Variants in SLC8A1 observed in about 807,000 individuals in gnomAD.
SLC8A1 encodes solute carrier family 8 member A1, also known as sodium/calcium exchanger 1.
SLC8A1 carries 18 observed loss-of-function variants against 68.3 expected under a neutral mutation model. That is an observed-to-expected ratio of 0.26 (90% CI 0.18 to 0.39). SLC8A1 has a LOEUF of 0.39. Ranked by LOEUF, SLC8A1 falls within the 10% of genes least tolerant of loss-of-function variation. SLC8A1 has a pLI of 1.00. For synonymous variants in SLC8A1, 475 were observed against 415.5 expected (o/e 1.14, Z -1.74); for missense variants, 985 against 1,156.7 (o/e 0.85, Z 2.15).
intron 2 of SLC8A1, among the ~76,000 whole-genome samples, chr2:40,203,793 C>T (rs953794682): frequency 6.6e-6 from 1 of 151,896 alleles, no homozygotes; most frequent in South Asian, 2.1e-4. Context: ...GCAGCCTCAA[C>T]CTTCTGGGCT....
At position 40,141,609 on chromosome 2, in the gene SLC8A1, T is replaced by C. The variant is rs73927126; in HGVS notation, c.2162-1933A>G. On this transcript the variant is annotated intron_variant, in intron 6 of 7. Coordinates refer to ENST00000406785, the Ensembl canonical transcript of SLC8A1. ...GCATTGCTGACCGTTTGCTCTGCTG[T>C]TCATGCAGTATTTATTATATCAACT... Among the ~76,000 whole-genome samples, 775 of 152,280 alleles carry C rather than the reference T, an allele frequency of 5.1e-3. 5 individuals carry two copies. Among genetic ancestry groups the C allele is most frequent in the African/African-American group, 0.017 (719 of 41,564 alleles).
chr2:40,160,758 C>G lies in SLC8A1; in HGVS notation c.2161+7G>C. The G allele has an allele frequency of 6.2e-7, 1 of 1,611,066 alleles. No homozygotes were observed. The highest frequency in any genetic ancestry group is 8.5e-7 in the Non-Finnish European group (1 of 1,177,436). On this transcript the variant is annotated splice_region_variant and intron_variant, in intron 6 of 7. Transcript: ENST00000406785. Reference sequence around the variant, plus strand: ...TTAATTTATAATATGCAGAGAAAGGCACTCACCAGCACTGACAGTGATAGC... The same window carrying G: ...TTAATTTATAATATGCAGAGAAAGGGACTCACCAGCACTGACAGTGATAGC...
At chr2:40,144,426 G>T (rs1037944757) in intron 6 of SLC8A1, among the ~76,000 whole-genome samples, 1 of 152,136 alleles carries the variant, frequency 6.6e-6, no homozygotes, top group African/African-American at 2.4e-5. Flanking sequence ...TGACTGAGTT[G>T]GGATTTGATC....
At chr2:40,310,157 T>C (rs886807276) in intron 2 of SLC8A1, among the ~76,000 whole-genome samples, 1 of 152,240 alleles carries the variant, frequency 6.6e-6, no homozygotes, top group Non-Finnish European at 1.5e-5. Context: ...AAGTAATTAC[T>C]GTGTCCAAGG....
At chr2:40,353,944 A>G (rs1439750699) in intron 2 of SLC8A1, among the ~76,000 whole-genome samples, 3 of 152,184 alleles carry the variant, frequency 2.0e-5, no homozygotes, top group Non-Finnish European at 4.4e-5. Context: ...TAAGCGTACC[A>G]TTTTACCTAC....
chr2:40,353,588 G>A (rs1363556973), intron 2 of SLC8A1, among the ~76,000 whole-genome samples: 1 of 152,088 alleles, frequency 6.6e-6, no homozygotes, highest in African/African-American at 2.4e-5. Flanking sequence ...TGAACTGTGA[G>A]AACTGTCGAC....
chr2:40,435,332 C>T (rs1288500368), intron 1 of SLC8A1, among the ~76,000 whole-genome samples: 2 of 152,168 alleles, frequency 1.3e-5, no homozygotes, highest in East Asian at 1.9e-4. Flanking sequence ...GAAGGCTTTT[C>T]TCATCTGACC....
chr2:40,237,882 C>T (rs1468281894), intron 2 of SLC8A1, among the ~76,000 whole-genome samples: 1 of 152,080 alleles, frequency 6.6e-6, no homozygotes, highest in Non-Finnish European at 1.5e-5. Context: ...TGTCAGTGTG[C>T]CCCTGCTGGG....
intron 2 of SLC8A1, among the ~76,000 whole-genome samples, chr2:40,393,002 A>G (rs1685807764): frequency 6.6e-6 from 1 of 152,246 alleles, no homozygotes; most frequent in African/African-American, 2.4e-5. Flanking sequence ...AAAGAGGAGC[A>G]GGAGAAATGT....
intron 2 of SLC8A1, among the ~76,000 whole-genome samples, chr2:40,253,176 AATATACATATATACACGTAT>A (rs952183949): frequency 7.0e-6 from 1 of 142,676 alleles, no homozygotes; most frequent in Non-Finnish European, 1.5e-5. Context: ...TATACACACA[AATATACATATATACACGTAT>A]ATGTATACAC....
chr2:40,372,539 C>T (rs1039760885), intron 2 of SLC8A1, among the ~76,000 whole-genome samples: 2 of 152,102 alleles, frequency 1.3e-5, no homozygotes, highest in East Asian at 1.9e-4. Flanking sequence ...TGGGCTTGAC[C>T]GCCCCATGAA....
chr2:40,388,066 TA>T (rs1559485671), intron 2 of SLC8A1, among the ~76,000 whole-genome samples: 1 of 151,962 alleles, frequency 6.6e-6, no homozygotes, highest in East Asian at 1.9e-4. Context: ...CTGAAAAGTA[TA>T]TAATCCCTTT....
At chr2:40,322,120 C>A (rs2075274672) in intron 2 of SLC8A1, among the ~76,000 whole-genome samples, 1 of 152,064 alleles carries the variant, frequency 6.6e-6, no homozygotes, top group Non-Finnish European at 1.5e-5. Context: ...TTATACTGCA[C>A]TGGATGAGCT....
intron 2 of SLC8A1, among the ~76,000 whole-genome samples, chr2:40,277,269 G>T (rs12712690): frequency 3.3e-5 from 5 of 151,872 alleles, no homozygotes; most frequent in East Asian, 1.9e-4. Flanking sequence ...TGCTGGGCAC[G>T]GTAGCTCACG....
At chr2:40,454,098 A>G (rs1702844539), upstream of SLC8A1, among the ~76,000 whole-genome samples, 1 of 152,184 alleles carries the variant, frequency 6.6e-6, no homozygotes, top group African/African-American at 2.4e-5. Context: ...TATGTCCTCT[A>G]CCAAAAATTA....
At chr2:40,450,193 T>C (rs991280187) in intron 1 of SLC8A1, among the ~76,000 whole-genome samples, 1 of 152,128 alleles carries the variant, frequency 6.6e-6, no homozygotes, top group Non-Finnish European at 1.5e-5. Flanking sequence ...GGGAGCTCAA[T>C]CCAAGTAACA....
intron 7 of SLC8A1, among the ~76,000 whole-genome samples, chr2:40,122,595 C>G (rs892176934): frequency 6.6e-6 from 1 of 152,144 alleles, no homozygotes; most frequent in Admixed American, 6.5e-5. Context: ...CTTGCTAGCC[C>G]CACCTTGAGT....
chr2:40,471,274 T>C (rs1237642065), intron 1 of SLC8A1, among the ~76,000 whole-genome samples: 1 of 152,184 alleles, frequency 6.6e-6, no homozygotes, highest in Non-Finnish European at 1.5e-5. Flanking sequence ...CAGGGTTTTT[T>C]TACTGCAGTG....
chr2:40,380,040 T>G (rs1575866404), intron 2 of SLC8A1, among the ~76,000 whole-genome samples: 1 of 152,266 alleles, frequency 6.6e-6, no homozygotes, highest in Middle Eastern at 3.4e-3. Flanking sequence ...TGACATTATA[T>G]CATAATGTCT....
Sources: allele counts gnomAD v4.1 joint callset (sites outside exome capture counted in the v4.1 genomes callset), GRCh38; gene constraint gnomAD v4.1.1; transcripts MANE v1.5; gene names NCBI Gene and HGNC (gene_info 2026-07-23, HGNC 2026-07-21).